The following CORIN variants were observed in gnomAD, a reference collection of about 807,000 sequenced individuals.
CORIN encodes the protein atrial natriuretic peptide-converting enzyme.
Under a neutral mutation model 125.3 loss-of-function variants are expected in CORIN, and 117 were observed. The ratio of observed to expected loss-of-function variants is 0.93; its 90% CI spans 0.80 to 1.09. CORIN has a LOEUF of 1.09. CORIN is among the 50% of genes least tolerant of loss of function. The probability of loss-of-function intolerance (pLI) is 0.00; values close to 1 mark genes in which losing one functional copy is unlikely to be tolerated. For missense variants in CORIN, 1,253 were observed against 1,306.7 expected (o/e 0.96, Z 0.63); for synonymous variants, 450 against 466.4 (o/e 0.96, Z 0.45).
intron 13 of CORIN, chr4:47,652,745 A>T (rs1723791918): frequency 6.6e-6 from 1 of 152,212 alleles, no homozygotes; most frequent in Non-Finnish European, 1.5e-5. Context: ...AAGAGAAAAA[A>T]TATGAGAGGA....
chr4:47,682,695 T>C (rs1434716739), intron 7 of CORIN: 1 of 152,226 alleles, frequency 6.6e-6, no homozygotes, highest in African/African-American at 2.4e-5. Flanking sequence ...ATTGTATACA[T>C]GTATTAAAAT....
At chr4:47,774,232 C>A (rs1462050253) in intron 3 of CORIN, among the ~76,000 whole-genome samples, 3 of 152,172 alleles carry the variant, frequency 2.0e-5, no homozygotes. Flanking sequence ...AAGATGCCAG[C>A]TGCAGTGCGG....
chr4:47,833,252 C>T (rs1463872109), intron 1 of CORIN, among the ~76,000 whole-genome samples: 1 of 151,962 alleles, frequency 6.6e-6, no homozygotes, highest in Non-Finnish European at 1.5e-5. Flanking sequence ...CAGAAATAAA[C>T]TCATACATAC....
At chr4:47,625,024 G>A (rs1454253108) in intron 17 of CORIN, among the ~76,000 whole-genome samples, 1 of 152,044 alleles carries the variant, frequency 6.6e-6, no homozygotes, top group Non-Finnish European at 1.5e-5. Context: ...AAGCTCATTT[G>A]CTTTCTACCC....
intron 4 of CORIN, among the ~76,000 whole-genome samples, chr4:47,760,893 T>C (rs1729416352): frequency 6.6e-6 from 1 of 152,212 alleles, no homozygotes. Context: ...CACATTTATG[T>C]CATGGAGATG....
chr4:47,625,151 C>G (rs946976546), intron 17 of CORIN, among the ~76,000 whole-genome samples: 2 of 152,200 alleles, frequency 1.3e-5, no homozygotes, highest in South Asian at 4.1e-4. Context: ...ATTTTCACCC[C>G]CATATAGTGT....
intron 2 of CORIN, among the ~76,000 whole-genome samples, chr4:47,788,820 C>A (rs1268834879): frequency 6.6e-6 from 1 of 152,168 alleles, no homozygotes; most frequent in East Asian, 1.9e-4. Context: ...GTTCTGTCAA[C>A]ATACTTTTAG....
chr4:47,610,375 G>A (rs939521973), intron 19 of CORIN, among the ~76,000 whole-genome samples: 6 of 151,856 alleles, frequency 4.0e-5, no homozygotes, highest in African/African-American at 1.2e-4. Flanking sequence ...GCTTTTTCTC[G>A]TATGTTTATT....
chr4:47,822,910 G>C (rs1732582320), intron 1 of CORIN, among the ~76,000 whole-genome samples: 2 of 151,880 alleles, frequency 1.3e-5, no homozygotes, highest in Admixed American at 1.3e-4. Flanking sequence ...CCACCTCCCG[G>C]GTTCAAGCGA....
intron 6 of CORIN, among the ~76,000 whole-genome samples, chr4:47,684,472 T>A (rs1033631498): frequency 1.3e-5 from 2 of 152,154 alleles, no homozygotes; most frequent in Non-Finnish European, 2.9e-5. Flanking sequence ...GAAAATAAAG[T>A]CTTGTCCTTG....
At chr4:47,626,333 G>T (rs772788751) in intron 17 of CORIN, 72 bp downstream of exon 17, 8 of 909,020 alleles carry the variant, frequency 8.8e-6, no homozygotes, top group Non-Finnish European at 1.3e-5. Flanking sequence ...GTTAAAAAAT[G>T]GAAGAAAGGC....
intron 1 of CORIN, among the ~76,000 whole-genome samples, chr4:47,836,228 G>A (rs1577966826): frequency 6.6e-6 from 1 of 152,134 alleles, no homozygotes; most frequent in East Asian, 1.9e-4. Context: ...CCCAGGATCT[G>A]AGGACCAATT....
At chr4:47,639,604 A>G (rs1194973631) in intron 16 of CORIN, among the ~76,000 whole-genome samples, 1 of 152,232 alleles carries the variant, frequency 6.6e-6, no homozygotes, top group African/African-American at 2.4e-5. Flanking sequence ...AGAAGCTAAG[A>G]AGGAACACCA....
chr4:47,742,196 A>G (rs1728436865), intron 5 of CORIN, among the ~76,000 whole-genome samples: 2 of 152,008 alleles, frequency 1.3e-5, no homozygotes, highest in African/African-American at 4.8e-5. Context: ...GTCTTAGCAA[A>G]CTACAAATAG....
At chr4:47,615,446 A>G (rs1456939928) in intron 19 of CORIN, among the ~76,000 whole-genome samples, 1 of 152,228 alleles carries the variant, frequency 6.6e-6, no homozygotes, top group Non-Finnish European at 1.5e-5. Context: ...TCTAAAATCT[A>G]TATGTTGAAG....
intron 21 of CORIN, among the ~76,000 whole-genome samples, chr4:47,598,114 C>T (rs1338475653): frequency 2.0e-5 from 3 of 152,164 alleles, no homozygotes; most frequent in Admixed American, 6.6e-5. Flanking sequence ...CTGATCTGGT[C>T]TGTTCTTTTG....
chr4:47,775,845 C>A (rs1730273279), intron 3 of CORIN, among the ~76,000 whole-genome samples: 1 of 152,154 alleles, frequency 6.6e-6, no homozygotes, highest in Non-Finnish European at 1.5e-5. Flanking sequence ...TAGGAAAAAA[C>A]TTTAGATTTA....
intron 10 of CORIN, among the ~76,000 whole-genome samples, chr4:47,669,037 C>T (rs866917251): frequency 1.1e-4 from 17 of 152,094 alleles, no homozygotes; most frequent in Non-Finnish European, 2.2e-4. Flanking sequence ...AGAGGGAGAT[C>T]GCATCACAAA....
intron 1 of CORIN, among the ~76,000 whole-genome samples, chr4:47,822,339 C>T (rs1249798081): frequency 6.6e-6 from 1 of 152,162 alleles, no homozygotes; most frequent in Non-Finnish European, 1.5e-5. Flanking sequence ...TTCCTATAAA[C>T]AAGGACATTC....
Sources: allele counts gnomAD v4.1 joint callset (sites outside exome capture counted in the v4.1 genomes callset), GRCh38; gene constraint gnomAD v4.1.1; transcripts MANE v1.5; gene names NCBI Gene and HGNC (gene_info 2026-07-23, HGNC 2026-07-21).